The following DRAXIN variants were observed in gnomAD, a reference collection of about 807,000 sequenced individuals.
DRAXIN encodes the protein dorsal inhibitory axon guidance protein.
A neutral mutation model predicts 33.9 loss-of-function variants in DRAXIN; 27 were observed. The observed-to-expected ratio is 0.80, with a 90% CI of 0.59 to 1.10. The LOEUF is 1.10. DRAXIN is among the 50% of genes least tolerant of loss of function. The pLI, the probability that DRAXIN is intolerant of heterozygous loss-of-function variation, is 0.00. For missense variants in DRAXIN, 371 were observed against 460.8 expected, an observed-to-expected ratio of 0.81 and a Z score of 1.78; for synonymous variants, 178 against 194.0, an observed-to-expected ratio of 0.92 and a Z score of 0.69.
In DRAXIN at chr1:11,721,298, C is replaced by T. The variant is rs1325521739; in HGVS notation, c.*1602C>T. Reference sequence around the variant, plus strand: ...TTGAGGTGCTATCTGAAGCTAACTGCCCCTAACAGGCCAGACTCACAATGC... The same window carrying T: ...TTGAGGTGCTATCTGAAGCTAACTGTCCCTAACAGGCCAGACTCACAATGC... On this transcript the variant is annotated 3_prime_UTR_variant, in exon 7 of 7. Coordinates refer to ENST00000294485, the MANE Select transcript of DRAXIN (RefSeq NM_198545.4). 1 of 152,208 alleles carries T rather than the reference C, an allele frequency of 6.6e-6. No homozygotes were observed. Among genetic ancestry groups the T allele is most frequent in the Non-Finnish European group, 1.5e-5 (1 of 68,048 alleles). 9.4% of individuals were successfully genotyped at this position (152,208 alleles called of 1,614,324 possible).
At chr1:11,711,808 T>C (rs1179258578) in intron 3 of DRAXIN, 43 bp from the exon 4 acceptor site, 6 of 1,561,400 alleles carry the variant, frequency 3.8e-6, no homozygotes, top group South Asian at 1.2e-5. Flanking sequence ...CCTGCTTCCA[T>C]GGATTTGAAG....
chr1:11,701,662 T>C (rs1382386467), intron 1 of DRAXIN, among the ~76,000 whole-genome samples: 3 of 152,180 alleles, frequency 2.0e-5, no homozygotes, highest in Non-Finnish European at 4.4e-5. Flanking sequence ...TGTGCTCGGC[T>C]GGGAGGAGCA....
chr1:11,698,787 G>T (rs1025586415), intron 1 of DRAXIN, among the ~76,000 whole-genome samples: 1 of 152,174 alleles, frequency 6.6e-6, no homozygotes, highest in African/African-American at 2.4e-5. Flanking sequence ...AGCTGGAGAG[G>T]TTGAGGCTAC....
At position 11,693,619 on chromosome 1, in the gene DRAXIN, G is replaced by A. The variant is rs116583766; in HGVS notation, c.-11+1766G>A. Among the ~76,000 whole-genome samples, 237 of 152,252 alleles carry A rather than the reference G, an allele frequency of 1.6e-3. 2 individuals carry two copies. Among genetic ancestry groups the A allele is most frequent in the African/African-American group, 5.6e-3 (231 of 41,542 alleles). ...AACCTTTCTCTTTAGAGGCAAGAAC[G>A]GCTGGATATCCCCACGACATCCCCC... On this transcript the variant is annotated intron_variant, in intron 1 of 6. Transcript: ENST00000294485.
At chr1:11,702,453 AAC>A (rs895331540) in intron 1 of DRAXIN, among the ~76,000 whole-genome samples, 6 of 150,416 alleles carry the variant, frequency 4.0e-5, no homozygotes, top group Non-Finnish European at 7.4e-5. Flanking sequence ...ACACACTCAC[AAC>A]ACACATACAT....
At chr1:11,700,311 A>G (rs1017278427) in intron 1 of DRAXIN, among the ~76,000 whole-genome samples, 5 of 152,252 alleles carry the variant, frequency 3.3e-5, no homozygotes, top group South Asian at 2.1e-4. Flanking sequence ...GATGTAATGG[A>G]TATCAGTTAC....
chr1:11,694,556 A>C lies in DRAXIN; in HGVS notation c.-11+2703A>C, dbSNP rs1039830805. 6.6e-6 allele frequency among the ~76,000 whole-genome samples: 1 copy of C among 152,076 alleles called. No homozygotes were observed. The highest frequency in any genetic ancestry group is 6.6e-5 in the Admixed American group (1 of 15,262). On this transcript the variant is annotated intron_variant, in intron 1 of 6. Transcript: ENST00000294485. This position sits in a 1 kb window ranked among gnomAD's most constrained non-coding sequence, Gnocchi z 4.9. ...CTTAGCAGCTGTGGGACCCAGAGGG[A>C]GTTCCTTCACGTGTGTCGGCCAGGA...
At chr1:11,697,894 C>T (rs914247021) in intron 1 of DRAXIN, among the ~76,000 whole-genome samples, 1 of 152,146 alleles carries the variant, frequency 6.6e-6, no homozygotes, top group South Asian at 2.1e-4. Context: ...TTGGGCGATA[C>T]AGAGCCACAG....
chr1:11,696,916 A>G lies in DRAXIN; in HGVS notation c.-11+5063A>G, dbSNP rs1431364909. 2.0e-5 allele frequency among the ~76,000 whole-genome samples: 3 copies of G among 151,924 alleles called. No homozygotes were observed. Among genetic ancestry groups the G allele is most frequent in the Non-Finnish European group, 4.4e-5 (3 of 67,968 alleles). On this transcript the variant is annotated intron_variant, in intron 1 of 6. Transcript: ENST00000294485. This position sits in a 1 kb window ranked among gnomAD's most constrained non-coding sequence, Gnocchi z 4.7. ...CCAGGCATGGTGGTGCATGCCTGTA[A>G]TCCCAGCTGCTTGGGAGGCTAAGGC... is the stretch of plus-strand genomic sequence containing the variant.
At position 11,704,945 on chromosome 1, in the gene DRAXIN, ACGAGTGCGTGGT is replaced by A; in HGVS notation, c.-10-1302_-10-1291del. On this transcript the variant is annotated intron_variant, in intron 1 of 6. Coordinates refer to ENST00000294485, the MANE Select transcript of DRAXIN (RefSeq NM_198545.4). The surrounding 1 kb of genome is among the most constrained non-coding windows in gnomAD (Gnocchi z 4.6). ...AGAAGGTGTTTCCCCCCTCCCCTCCACGAGTGCGTGGTCAGAGCTTCGAGGGCACAGCAGTTT... is the reference window on the plus strand; with the variant it reads ...AGAAGGTGTTTCCCCCCTCCCCTCCACAGAGCTTCGAGGGCACAGCAGTTT... Among the ~76,000 whole-genome samples the A allele has an allele frequency of 6.6e-6, 1 of 152,140 alleles. No homozygotes were observed. Among genetic ancestry groups the A allele is most frequent in the Non-Finnish European group, 1.5e-5 (1 of 68,012 alleles).
At chr1:11,715,347 A>G (rs1322056694) in intron 6 of DRAXIN, 139 bp downstream of exon 6, 1 of 1,007,604 alleles carries the variant, frequency 9.9e-7, no homozygotes, top group Non-Finnish European at 1.5e-6. Context: ...GCGGGGGTGT[A>G]GGTGGGAGAA....
chr1:11,690,316 G>T (rs1641037398), upstream of DRAXIN, among the ~76,000 whole-genome samples: 1 of 152,120 alleles, frequency 6.6e-6, no homozygotes, highest in Admixed American at 6.5e-5. The surrounding 1 kb of genome is among the most constrained non-coding windows in gnomAD (Gnocchi z 4.2). Context: ...TGAATAAACA[G>T]TTCAGTGTTC....
chr1:11,694,375 G>T lies in DRAXIN; in HGVS notation c.-11+2522G>T, dbSNP rs138094358. ...CCTCTGGCTGGGGAGGTTGGAGGGGGAGCAAGCTGCCCGGAAACCCCTGTG... is the reference window on the plus strand; with the variant it reads ...CCTCTGGCTGGGGAGGTTGGAGGGGTAGCAAGCTGCCCGGAAACCCCTGTG... On this transcript the variant is annotated intron_variant, in intron 1 of 6. Coordinates refer to ENST00000294485, the MANE Select transcript of DRAXIN (RefSeq NM_198545.4). This position sits in a 1 kb window ranked among gnomAD's most constrained non-coding sequence, Gnocchi z 4.9. Among the ~76,000 whole-genome samples, 166 of 152,042 alleles carry T rather than the reference G, an allele frequency of 1.1e-3. No homozygotes were observed. The highest frequency in any genetic ancestry group is 3.7e-3 in the African/African-American group (154 of 41,464).
chr1:11,703,356 G>T (rs766135601), intron 1 of DRAXIN, among the ~76,000 whole-genome samples: 2 of 152,202 alleles, frequency 1.3e-5, no homozygotes, highest in South Asian at 4.1e-4. Flanking sequence ...GGACGTGGAC[G>T]GAGAGAGATG....
At chr1:11,718,718 T>G (rs1489780817) in intron 6 of DRAXIN, among the ~76,000 whole-genome samples, 1 of 152,218 alleles carries the variant, frequency 6.6e-6, no homozygotes. Context: ...TCCTCCCACC[T>G]CAGCCTCTCA....
rs1424725479 is a variant in DRAXIN, at chr1:11,704,217, C to T, written c.-10-2032C>T. ...TCCCGAGGTTTCCCTGTCCCTAGGA[C>T]GCTCTTCGGGCTTCTCCCAGGCTGT... On this transcript the variant is annotated intron_variant, in intron 1 of 6. Transcript: ENST00000294485. The surrounding 1 kb of genome is among the most constrained non-coding windows in gnomAD (Gnocchi z 4.6). Among the ~76,000 whole-genome samples, 5 of 152,306 alleles carry T rather than the reference C, an allele frequency of 3.3e-5. No individual in the cohort carries two copies. Among genetic ancestry groups the T allele is most frequent in the East Asian group, 1.9e-4 (1 of 5,178 alleles).
Position 11,720,867 on chromosome 1 carries a change from A to C in DRAXIN, c.*1171A>C, listed in dbSNP as rs1641650638. The stretch of plus-strand genomic sequence containing the variant: ...CTTCCTCTGTGGCTGGAATAACTTG[A>C]CTGTTCTCTGCCTTCCCTGGATAAA... On this transcript the variant is annotated 3_prime_UTR_variant, in exon 7 of 7. Transcript: ENST00000294485. The C allele has an allele frequency of 6.6e-6, 1 of 152,202 alleles. No individual in the cohort carries two copies. The highest frequency in any genetic ancestry group is 1.5e-5 in the Non-Finnish European group (1 of 68,028). The allele number at this position is 152,202 out of a possible 1,614,324, so 9.4% of individuals were successfully genotyped here. A position where few individuals can be genotyped will look rare whatever the true frequency, so the allele number is the denominator to read the frequency against.
intron 1 of DRAXIN, among the ~76,000 whole-genome samples, chr1:11,702,904 G>A (rs183230583): frequency 6.6e-6 from 1 of 152,312 alleles, no homozygotes; most frequent in Non-Finnish European, 1.5e-5. Flanking sequence ...CATCATGCAC[G>A]TCTAATTTTT....
rs1328412608 is a variant in DRAXIN at position 11,696,208 on chromosome 1, C to A, written c.-11+4355C>A. ...CTCCCTGGCCCCCACCACACCCATG[C>A]CTGCCACCTTACTCCCTCTGTCTCC... On this transcript the variant is annotated intron_variant, in intron 1 of 6. Transcript: ENST00000294485. This position sits in a 1 kb window ranked among gnomAD's most constrained non-coding sequence, Gnocchi z 4.7. 2.6e-5 allele frequency among the ~76,000 whole-genome samples: 4 copies of A among 152,212 alleles called. No individual in the cohort carries two copies. The highest frequency in any genetic ancestry group is 9.6e-5 in the African/African-American group (4 of 41,456).
Sources: gnomAD v4.1 joint callset for allele counts (sites outside exome capture counted in the v4.1 genomes callset) on GRCh38, gnomAD v4.1.1 for gene constraint, Gnocchi (gnomAD v3.1) non-coding constraint, MANE v1.5 for transcripts, NCBI Gene and HGNC (gene_info 2026-07-23, HGNC 2026-07-21) for gene names.